DBT: variants seen among roughly 807,000 people sequenced by gnomAD.
The protein encoded by DBT is lipoamide acyltransferase component of branched-chain alpha-keto acid dehydrogenase complex, mitochondrial.
In DBT, 40 loss-of-function variants were observed where a neutral mutation model predicts 51.3. That is an observed-to-expected ratio of 0.78 (90% confidence interval 0.61 to 1.02). The LOEUF is 1.02. Ranked by LOEUF, DBT falls within the 50% of genes least tolerant of loss-of-function variation. The pLI is 0.00. For missense variants in DBT, 510 were observed against 580.2 expected, an observed-to-expected ratio of 0.88 and a Z score of 1.24; for synonymous variants, 181 against 190.4, an observed-to-expected ratio of 0.95 and a Z score of 0.41.
intron 3 of DBT, 53 bp from the exon 4 acceptor site, chr1:100,230,967 C>A: frequency 9.2e-7 from 1 of 1,086,768 alleles, no homozygotes; most frequent in South Asian, 1.2e-5. Context: ...AAGTACAGAT[C>A]ATATTAAGGA....
chr1:100,235,431 C>T lies in DBT; in HGVS notation c.251+5G>A. The T allele has an allele frequency of 6.9e-7, 1 of 1,443,636 alleles. No homozygotes were observed. The highest frequency in any genetic ancestry group is 9.7e-7 in the Non-Finnish European group (1 of 1,029,024). The allele number at this position is 1,443,636 out of a possible 1,614,324, so 89.4% of individuals were successfully genotyped here. On this transcript the variant is annotated splice_donor_5th_base_variant and intron_variant, in intron 3 of 10. Transcript: ENST00000370132. ...TACTTAAGAGCTTTTTTCAGATTCACTTACCATTCTTTAACAGTTACTTCT... is the reference window on the plus strand; with the variant it reads ...TACTTAAGAGCTTTTTTCAGATTCATTTACCATTCTTTAACAGTTACTTCT...
At chr1:100,202,053 C>T (rs1661464846) in intron 10 of DBT, among the ~76,000 whole-genome samples, 2 of 152,060 alleles carry the variant, frequency 1.3e-5, no homozygotes. Flanking sequence ...TTGCATATAA[C>T]AATATTAACT....
chr1:100,244,378 T>G (rs746485527), intron 1 of DBT, among the ~76,000 whole-genome samples: 1 of 152,120 alleles, frequency 6.6e-6, no homozygotes, highest in Non-Finnish European at 1.5e-5. Context: ...TATAAGGAGT[T>G]TGAACTCATA....
intron 3 of DBT, 24 bp from the exon 4 acceptor site, chr1:100,230,938 C>T (rs769901127): frequency 4.2e-5 from 59 of 1,408,310 alleles, no homozygotes; most frequent in Non-Finnish European, 5.3e-5. Flanking sequence ...AAATGAGACA[C>T]TTTTATGGAA....
At chr1:100,197,344 A>G (rs1241796824) in intron 10 of DBT, among the ~76,000 whole-genome samples, 2 of 152,202 alleles carry the variant, frequency 1.3e-5, no homozygotes, top group Non-Finnish European at 2.9e-5. Flanking sequence ...GAAGCCCTTC[A>G]AAGTGTCTGA....
At chr1:100,200,667 C>T (rs1464936740) in intron 10 of DBT, among the ~76,000 whole-genome samples, 2 of 152,212 alleles carry the variant, frequency 1.3e-5, no homozygotes, top group African/African-American at 4.8e-5. Context: ...CTCTCGCTGG[C>T]ATCTGGCAGG....
chr1:100,224,623 G>A (rs1339713285), intron 4 of DBT, among the ~76,000 whole-genome samples: 1 of 152,136 alleles, frequency 6.6e-6, no homozygotes, highest in Non-Finnish European at 1.5e-5. Flanking sequence ...AATACTGTCA[G>A]ATAATTTTTA....
intron 5 of DBT, among the ~76,000 whole-genome samples, chr1:100,218,013 A>G (rs1185004246): frequency 1.3e-5 from 2 of 152,146 alleles, no homozygotes; most frequent in Non-Finnish European, 2.9e-5. Flanking sequence ...GAATACGTAA[A>G]TACCTATCCC....
At chr1:100,216,764 T>C (rs1362018882) in intron 5 of DBT, among the ~76,000 whole-genome samples, 1 of 152,192 alleles carries the variant, frequency 6.6e-6, no homozygotes, top group African/African-American at 2.4e-5. Context: ...ACAACTTAAA[T>C]AATCATAATA....
At chr1:100,224,651 C>G (rs969683673) in intron 4 of DBT, among the ~76,000 whole-genome samples, 4 of 152,100 alleles carry the variant, frequency 2.6e-5, no homozygotes, top group Non-Finnish European at 5.9e-5. Context: ...TATAACCTAT[C>G]CAATGCCATT....
intron 4 of DBT, among the ~76,000 whole-genome samples, chr1:100,224,037 C>T (rs1233658113): frequency 6.6e-6 from 1 of 152,068 alleles, no homozygotes; most frequent in Non-Finnish European, 1.5e-5. Flanking sequence ...TATCATGACC[C>T]TCTAGCTTTG....
intron 4 of DBT, among the ~76,000 whole-genome samples, chr1:100,222,127 C>A (rs1189426384): frequency 1.3e-5 from 2 of 152,128 alleles, no homozygotes; most frequent in Non-Finnish European, 2.9e-5. Context: ...TCAATTTAAT[C>A]TACAATAGGC....
intron 4 of DBT, among the ~76,000 whole-genome samples, chr1:100,230,507 TC>T (rs920782499): frequency 1.8e-4 from 28 of 151,932 alleles, no homozygotes; most frequent in African/African-American, 6.3e-4. Flanking sequence ...TATTGCCTTT[TC>T]CCCCCCACCT....
At chr1:100,229,080 A>G (rs561276755) in intron 4 of DBT, among the ~76,000 whole-genome samples, 150 of 152,336 alleles carry the variant, frequency 9.8e-4, no homozygotes, top group Non-Finnish European at 1.9e-3. Flanking sequence ...AACATGTCAT[A>G]GAAAATATTC....
chr1:100,200,345 C>T (rs1661363574), intron 10 of DBT, among the ~76,000 whole-genome samples: 1 of 152,232 alleles, frequency 6.6e-6, no homozygotes, highest in African/African-American at 2.4e-5. Context: ...TGTATCCGGA[C>T]TGCCTCTCTA....
intron 1 of DBT, among the ~76,000 whole-genome samples, chr1:100,247,140 C>G (rs1211552715): frequency 6.6e-6 from 1 of 152,178 alleles, no homozygotes; most frequent in Non-Finnish European, 1.5e-5. Context: ...ATCTAAGAGA[C>G]TGGAAAGGTC....
At chr1:100,200,700 C>G (rs1184197853) in intron 10 of DBT, among the ~76,000 whole-genome samples, 1 of 152,154 alleles carries the variant, frequency 6.6e-6, no homozygotes. Flanking sequence ...ATGAAGCTTC[C>G]AGAGGAAGAA....
At chr1:100,215,031 T>A in intron 6 of DBT, 48 bp from the exon 7 acceptor site, 1 of 1,287,836 alleles carries the variant, frequency 7.8e-7, no homozygotes, top group South Asian at 1.4e-5. Context: ...CTCAAATCTC[T>A]TCATCCTTTT....
chr1:100,204,879 G>T lies in DBT; in HGVS notation c.1281+1351C>A, dbSNP rs1301696826. Among the ~76,000 whole-genome samples, 5 of 152,134 alleles carry T rather than the reference G, an allele frequency of 3.3e-5. No homozygotes were observed. The East Asian group carries it at 9.6e-4, about 29-fold the overall frequency. On this transcript the variant is annotated intron_variant, in intron 10 of 10. Coordinates refer to ENST00000370132, the MANE Select transcript of DBT (RefSeq NM_001918.5). The stretch of plus-strand genomic sequence containing the variant: ...GAAAGGATTCCCTATTTAATAAATG[G>T]TGTTGGGACAACTGGCTAGCCATAT...
Sources: allele counts gnomAD v4.1 joint callset (sites outside exome capture counted in the v4.1 genomes callset), GRCh38; gene constraint gnomAD v4.1.1; transcripts MANE v1.5; gene names NCBI Gene and HGNC (gene_info 2026-07-23, HGNC 2026-07-21).